The following ZNF654 variants were observed in gnomAD, a reference collection of about 807,000 sequenced individuals.
ZNF654 encodes zinc finger protein 654.
A neutral mutation model predicts 95.3 loss-of-function variants in ZNF654; 19 were observed. That is an observed-to-expected ratio of 0.20 (90% confidence interval 0.14 to 0.29). ZNF654 has a LOEUF of 0.29. Among genes scored for constraint, ZNF654 ranks in the 10% least tolerant of loss-of-function variants. The pLI, the probability that ZNF654 is intolerant of heterozygous loss-of-function variation, is 1.00. For synonymous variants in ZNF654, 413 were observed against 457.9 expected (o/e 0.90, Z 1.25); for missense variants, 1,046 against 1,341.0 (o/e 0.78, Z 3.44).
At chr3:88,076,053 G>A (rs188049629) in intron 1 of ZNF654, among the ~76,000 whole-genome samples, 44 of 152,254 alleles carry the variant, frequency 2.9e-4, no homozygotes, top group Admixed American at 2.4e-3. Context: ...GTATGTTGTC[G>A]TTTGTGGTAA....
chr3:88,138,961 A>G lies in ZNF654; in HGVS notation c.1292A>G (p.Asn431Ser). The change falls in exon 8 of 9, where the codon AAT (asparagine) becomes AGT (serine). Residue 431 changes from asparagine (N) to serine (S), a missense_variant. Asn to Ser is a conservative substitution (Grantham distance 46). This residue lies in a region of ZNF654 where 78 missense variants were observed against 154.2 expected (regional missense o/e 0.51). Transcript: ENST00000636215. ...EYNEGTSSVQ[N>S]RVRFELLPIL... ...AATGAAGGCACAAGTAGTGTTCAAAATCGTGTTCGTTTTGAATTGCTTCCA... is the reference window on the plus strand; with the variant it reads ...AATGAAGGCACAAGTAGTGTTCAAAGTCGTGTTCGTTTTGAATTGCTTCCA... The G allele has an allele frequency of 8.0e-7, 1 of 1,246,250 alleles. No homozygotes were observed. The highest frequency in any genetic ancestry group is 1.0e-6 in the Non-Finnish European group (1 of 997,554). The allele number at this position is 1,246,250 out of a possible 1,614,324, so 77.2% of individuals were successfully genotyped here. A position where few individuals can be genotyped will look rare whatever the true frequency, so the allele number is the denominator to read the frequency against.
intron 1 of ZNF654, among the ~76,000 whole-genome samples, chr3:88,073,259 C>T (rs1707618262): frequency 6.6e-6 from 1 of 151,844 alleles, no homozygotes; most frequent in Non-Finnish European, 1.5e-5. Flanking sequence ...CCCAATGAGT[C>T]TAATGCATGC....
intron 6 of ZNF654, among the ~76,000 whole-genome samples, chr3:88,134,788 T>G (rs1327793695): frequency 1.3e-5 from 2 of 152,074 alleles, no homozygotes; most frequent in Non-Finnish European, 2.9e-5. Flanking sequence ...TTAGAATTTC[T>G]GTTTTGATCT....
intron 2 of ZNF654, among the ~76,000 whole-genome samples, chr3:88,096,661 A>G (rs1157169895): frequency 1.3e-5 from 2 of 152,142 alleles, no homozygotes; most frequent in Admixed American, 1.3e-4. Flanking sequence ...GGTTCCATGT[A>G]TATAATGTAC....
At chr3:88,086,705 C>G (rs913947030) in intron 2 of ZNF654, among the ~76,000 whole-genome samples, 2 of 152,144 alleles carry the variant, frequency 1.3e-5, no homozygotes, top group Non-Finnish European at 2.9e-5. Context: ...CAGAATACAG[C>G]AGTTTAGGCT....
chr3:88,080,570 G>C (rs1708026156), intron 1 of ZNF654, among the ~76,000 whole-genome samples: 1 of 152,110 alleles, frequency 6.6e-6, no homozygotes, highest in African/African-American at 2.4e-5. Context: ...ATAAGTGACA[G>C]AGCTGGAATT....
At chr3:88,105,658 C>T (rs142892578) in intron 2 of ZNF654, among the ~76,000 whole-genome samples, 1 of 152,278 alleles carries the variant, frequency 6.6e-6, no homozygotes, top group East Asian at 1.9e-4. Flanking sequence ...CCTTGTATAT[C>T]TCTGACCTCA....
rs752387931 is a variant in ZNF654, at chr3:88,138,439, AT to A, written c.1036-264del. On this transcript the variant is annotated intron_variant, in intron 7 of 8. Coordinates refer to ENST00000636215, the MANE Select transcript of ZNF654 (RefSeq NM_001350134.2). Reference sequence around the variant, plus strand: ...ATGAATCACCATAAGTCCATTTTGTATTATGGATAGTGGGCTTGTCAAATGT... The same window carrying A: ...ATGAATCACCATAAGTCCATTTTGTATATGGATAGTGGGCTTGTCAAATGT... Among the ~76,000 whole-genome samples, 61 of 66,582 alleles carry A rather than the reference AT, an allele frequency of 9.2e-4. No individual in the cohort carries two copies. In the East Asian group the frequency reaches 0.011, roughly 12 times the overall value. 43.7% of individuals were successfully genotyped at this position (66,582 alleles called of 152,430 possible). A position where few individuals can be genotyped will look rare whatever the true frequency, so the allele number is the denominator to read the frequency against.
chr3:88,067,599 G>A (rs767029044), intron 1 of ZNF654, among the ~76,000 whole-genome samples: 1 of 152,212 alleles, frequency 6.6e-6, no homozygotes, highest in Admixed American at 6.5e-5. Flanking sequence ...GAAACCCAGA[G>A]AACTGTGGTG....
chr3:88,094,583 C>A (rs9310072), intron 2 of ZNF654, among the ~76,000 whole-genome samples: 119,079 of 151,996 alleles, frequency 0.78, 47,559 homozygotes, highest in South Asian at 0.91. Context: ...TGATAGTTCT[C>A]TTGGTCAGTG....
intron 2 of ZNF654, among the ~76,000 whole-genome samples, chr3:88,087,920 G>A (rs547577582): frequency 3.3e-5 from 5 of 152,240 alleles, no homozygotes; most frequent in South Asian, 2.1e-4. Context: ...AACTCTTTGA[G>A]TGCTAACGTG....
intron 1 of ZNF654, among the ~76,000 whole-genome samples, chr3:88,061,110 T>A (rs568106230): frequency 1.3e-5 from 2 of 152,160 alleles, no homozygotes; most frequent in Non-Finnish European, 2.9e-5. Flanking sequence ...TTTGTAACTA[T>A]ACCTTTTACA....
At chr3:88,118,097 T>C (rs552866368) in intron 3 of ZNF654, among the ~76,000 whole-genome samples, 30 of 152,238 alleles carry the variant, frequency 2.0e-4, no homozygotes, top group African/African-American at 6.7e-4. Flanking sequence ...CTAAAAGTCT[T>C]ACTACCAAAG....
In ZNF654 at chr3:88,129,953, A is replaced by G. The variant is rs1210045860; in HGVS notation, c.893+127A>G. ...ACTTTTAAAAAAAAATTGATTGTGC[A>G]AGGAACAATAGTAGATTCTAAGAAC... On this transcript the variant is annotated intron_variant, in intron 6 of 8. Transcript: ENST00000636215. 5.1e-6 allele frequency: 4 copies of G among 784,324 alleles called. No individual in the cohort carries two copies. The African/African-American group carries it at 6.9e-5, about 14-fold the overall frequency. 48.6% of individuals were successfully genotyped at this position (784,324 alleles called of 1,614,324 possible).
intron 1 of ZNF654, among the ~76,000 whole-genome samples, chr3:88,071,519 G>C (rs1308343458): frequency 6.6e-6 from 1 of 152,190 alleles, no homozygotes; most frequent in African/African-American, 2.4e-5. Context: ...GGTAGCGGGC[G>C]CCTGTAGTCC....
intron 2 of ZNF654, 60 bp downstream of exon 2, chr3:88,086,462 T>G: frequency 1.5e-6 from 2 of 1,316,834 alleles, no homozygotes; most frequent in Non-Finnish European, 2.0e-6. Flanking sequence ...GAGAATTTGT[T>G]TTTGATAATT....
intron 3 of ZNF654, among the ~76,000 whole-genome samples, chr3:88,113,622 G>C (rs1272132520): frequency 6.6e-6 from 1 of 152,084 alleles, no homozygotes; most frequent in Non-Finnish European, 1.5e-5. Context: ...CCTGGTATAG[G>C]AGAGAAGAGA....
At chr3:88,120,910 T>C (rs990408128) in intron 3 of ZNF654, among the ~76,000 whole-genome samples, 1 of 152,106 alleles carries the variant, frequency 6.6e-6, no homozygotes, top group Non-Finnish European at 1.5e-5. Context: ...TACTTTGATG[T>C]TTGGTCATAA....
At chr3:88,134,221 C>G (rs1288984950) in intron 6 of ZNF654, among the ~76,000 whole-genome samples, 1 of 151,866 alleles carries the variant, frequency 6.6e-6, no homozygotes, top group Non-Finnish European at 1.5e-5. Context: ...CTGTTTTTGT[C>G]TGAGTACACT....
Sources: allele counts gnomAD v4.1 joint callset (sites outside exome capture counted in the v4.1 genomes callset), GRCh38; gene constraint gnomAD v4.1.1; regional missense constraint gnomAD v4.1.1; transcripts MANE v1.5; gene names NCBI Gene and HGNC (gene_info 2026-07-23, HGNC 2026-07-21).